HMBOX1: variants seen among roughly 807,000 people sequenced by gnomAD.
HMBOX1 encodes the protein homeobox containing 1.
HMBOX1 carries 14 observed loss-of-function variants against 54.5 expected under a neutral mutation model. That is an observed-to-expected ratio of 0.26 (90% CI 0.17 to 0.40). The LOEUF is 0.40. HMBOX1 is among the 10% of genes least tolerant of loss of function. The pLI, the probability that HMBOX1 is intolerant of heterozygous loss-of-function variation, is 1.00. For synonymous variants in HMBOX1, 160 were observed against 181.0 expected (o/e 0.88, Z 0.93); for missense variants, 332 against 514.4 (o/e 0.65, Z 3.43).
At chr8:28,905,962 C>T (rs761199789) in intron 1 of HMBOX1, among the ~76,000 whole-genome samples, 39 of 152,226 alleles carry the variant, frequency 2.6e-4, no homozygotes, top group South Asian at 1.0e-3. Context: ...TGATTATATG[C>T]GTTTTCAGAA....
At chr8:29,012,405 C>T (rs1834339811) in intron 5 of HMBOX1, among the ~76,000 whole-genome samples, 1 of 152,102 alleles carries the variant, frequency 6.6e-6, no homozygotes, top group Non-Finnish European at 1.5e-5. Flanking sequence ...CACATCTGTA[C>T]AATGGAATCT....
chr8:29,035,158 C>T (rs1489657400), intron 6 of HMBOX1, among the ~76,000 whole-genome samples: 1 of 152,032 alleles, frequency 6.6e-6, no homozygotes, highest in Admixed American at 6.6e-5. Flanking sequence ...CCTGGGAGGA[C>T]CAGTTCTCAT....
chr8:29,027,463 A>G (rs1230618124), intron 6 of HMBOX1, among the ~76,000 whole-genome samples: 1 of 152,220 alleles, frequency 6.6e-6, no homozygotes, highest in Non-Finnish European at 1.5e-5. Context: ...ATTTTGGGCT[A>G]CATATTCCTT....
intron 1 of HMBOX1, among the ~76,000 whole-genome samples, chr8:28,946,665 A>G (rs186961338): frequency 6.6e-6 from 1 of 152,334 alleles, no homozygotes; most frequent in Non-Finnish European, 1.5e-5. Flanking sequence ...TGCGATATAA[A>G]TTTAGCTCAT....
intron 1 of HMBOX1, among the ~76,000 whole-genome samples, chr8:28,911,939 T>G (rs972301029): frequency 1.3e-5 from 2 of 152,194 alleles, no homozygotes; most frequent in African/African-American, 4.8e-5. Context: ...AAAAGTGATA[T>G]GCATTCAGTA....
chr8:28,966,603 A>T (rs1826477500), intron 2 of HMBOX1, among the ~76,000 whole-genome samples: 1 of 152,232 alleles, frequency 6.6e-6, no homozygotes, highest in African/African-American at 2.4e-5. Context: ...TAGGTAAATT[A>T]TGAGAAATAA....
intron 1 of HMBOX1, among the ~76,000 whole-genome samples, chr8:28,896,579 A>G (rs1314953504): frequency 6.7e-6 from 1 of 149,060 alleles, no homozygotes; most frequent in African/African-American, 2.4e-5. Context: ...GTTTCAGTCA[A>G]AAACGGACTG....
At chr8:29,021,876 A>T (rs1801236962) in intron 6 of HMBOX1, among the ~76,000 whole-genome samples, 1 of 151,390 alleles carries the variant, frequency 6.6e-6, no homozygotes, top group Non-Finnish European at 1.5e-5. Flanking sequence ...AAAAAAAAAA[A>T]TGCTCAATCT....
At chr8:29,023,942 G>A (rs902062518) in intron 6 of HMBOX1, among the ~76,000 whole-genome samples, 1 of 152,160 alleles carries the variant, frequency 6.6e-6, no homozygotes, top group Admixed American at 6.5e-5. Flanking sequence ...AAGTTTCCAA[G>A]TGATTCTGAA....
chr8:28,920,718 G>A (rs1006457931), intron 1 of HMBOX1, among the ~76,000 whole-genome samples: 6 of 151,276 alleles, frequency 4.0e-5, no homozygotes, highest in African/African-American at 1.5e-4. Flanking sequence ...TCAAGGTGGT[G>A]TAGAAGGAAA....
At chr8:28,990,700 G>C (rs1385496872) in intron 4 of HMBOX1, among the ~76,000 whole-genome samples, 2 of 151,972 alleles carry the variant, frequency 1.3e-5, no homozygotes, top group Non-Finnish European at 2.9e-5. Flanking sequence ...CTGTCTCCCA[G>C]GCTGGAGTGG....
At chr8:28,972,960 A>G (rs1208753649) in intron 3 of HMBOX1, among the ~76,000 whole-genome samples, 1 of 152,116 alleles carries the variant, frequency 6.6e-6, no homozygotes, top group Non-Finnish European at 1.5e-5. Flanking sequence ...CATAATCAGG[A>G]CACTTTATCT....
intron 2 of HMBOX1, among the ~76,000 whole-genome samples, chr8:28,964,667 G>A (rs2132287817): frequency 6.6e-6 from 1 of 152,174 alleles, no homozygotes; most frequent in South Asian, 2.1e-4. Flanking sequence ...CTATAATACA[G>A]TAAGTAAACA....
chr8:28,968,160 A>G (rs1449424436), intron 2 of HMBOX1, among the ~76,000 whole-genome samples: 6 of 152,250 alleles, frequency 3.9e-5, no homozygotes, highest in Admixed American at 3.9e-4. Context: ...GTAAAAACAT[A>G]CGACATCTAG....
intron 1 of HMBOX1, among the ~76,000 whole-genome samples, chr8:28,899,286 T>C (rs944388867): frequency 2.6e-5 from 4 of 152,208 alleles, no homozygotes; most frequent in Admixed American, 6.5e-5. Flanking sequence ...TCCTCATTGC[T>C]GCTATCAAAG....
chr8:28,923,122 TTTTTCATCTAGGG>T (rs1817826686), intron 1 of HMBOX1, among the ~76,000 whole-genome samples: 1 of 152,176 alleles, frequency 6.6e-6, no homozygotes, highest in Non-Finnish European at 1.5e-5. Flanking sequence ...GGTTCAGAAG[TTTTTCATCTAGGG>T]TTCAGTTTAG....
chr8:29,018,668 A>G, intron 5 of HMBOX1, 92 bp from the exon 6 acceptor site: 1 of 1,317,182 alleles, frequency 7.6e-7, no homozygotes, highest in Non-Finnish European at 1.0e-6. Context: ...ACTAAGCCAA[A>G]GACCATACTT....
intron 5 of HMBOX1, among the ~76,000 whole-genome samples, chr8:29,014,910 C>A (rs1445828453): frequency 1.3e-5 from 2 of 152,126 alleles, no homozygotes; most frequent in Non-Finnish European, 2.9e-5. Context: ...AAACTCCTGA[C>A]CTCAGGTGTT....
chr8:29,005,775 A>G lies in HMBOX1; in HGVS notation c.587-3297A>G, dbSNP rs1424259416. On this transcript the variant is annotated intron_variant, in intron 4 of 9. Coordinates refer to ENST00000287701, the MANE Select transcript of HMBOX1 (RefSeq NM_001135726.3). ...AACTACTATTCTGATTTCCATCGCT[A>G]TAGATTAGTCGTATCTGTTTTATAA... Among the ~76,000 whole-genome samples, 6 of 152,134 alleles carry G rather than the reference A, an allele frequency of 3.9e-5. No individual in the cohort carries two copies. The East Asian group carries it at 1.2e-3, about 29-fold the overall frequency.
Sources: allele counts gnomAD v4.1 joint callset (sites outside exome capture counted in the v4.1 genomes callset), GRCh38; gene constraint gnomAD v4.1.1; transcripts MANE v1.5; gene names NCBI Gene and HGNC (gene_info 2026-07-23, HGNC 2026-07-21).